IL4R: variants seen among roughly 807,000 people sequenced by gnomAD.
IL4R encodes interleukin-4 receptor subunit alpha.
IL4R carries 17 observed loss-of-function variants against 41.5 expected under a neutral mutation model. That is an observed-to-expected ratio of 0.41 (90% CI 0.28 to 0.61). IL4R has a LOEUF of 0.61. Among genes scored for constraint, IL4R ranks in the 20% least tolerant of loss-of-function variants. IL4R has a pLI of 0.31. For missense variants in IL4R, 974 were observed against 1,043.1 expected (o/e 0.93, Z 0.91); for synonymous variants, 402 against 422.9 (o/e 0.95, Z 0.61).
At chr16:27,357,403 C>T (rs962572898) in intron 8 of IL4R, among the ~76,000 whole-genome samples, 3 of 152,312 alleles carry the variant, frequency 2.0e-5, no homozygotes, top group East Asian at 1.9e-4. Context: ...TTTCAACTTC[C>T]AGAGCAGCTG....
rs373908970 is a variant in IL4R, at chr16:27,332,401, G to A, written c.-19+2203G>A. ...CTCAGGAGAACTCACTCACTGTCAC[G>A]AAAACAGCATGGGGGAACTGCTCCC... On this transcript the variant is annotated intron_variant, in intron 2 of 10. Transcript: ENST00000395762. Among the ~76,000 whole-genome samples the A allele has an allele frequency of 3.9e-4, 60 of 152,130 alleles. 1 individual carries two copies. In the South Asian group the frequency reaches 9.7e-3, roughly 25 times the overall value.
At chr16:27,360,993 A>C (rs1372635957) in intron 10 of IL4R, 178 bp downstream of exon 10, 14 of 1,478,124 alleles carry the variant, frequency 9.5e-6, no homozygotes, top group Non-Finnish European at 1.3e-5. Flanking sequence ...CTGCTGGCCA[A>C]GCCCCCTGAG....
chr16:27,347,499 T>G (rs1047934408), intron 6 of IL4R, among the ~76,000 whole-genome samples: 1 of 152,166 alleles, frequency 6.6e-6, no homozygotes, highest in African/African-American at 2.4e-5. Flanking sequence ...CCAGTGGAGT[T>G]CCTTCTTAAG....
At chr16:27,355,944 T>C in intron 8 of IL4R, 37 bp downstream of exon 8, 1 of 1,456,088 alleles carries the variant, frequency 6.9e-7, no homozygotes. Flanking sequence ...GCAGTCCCTC[T>C]GGAGTGCAGG....
At chr16:27,339,984 G>A (rs2085386959) in intron 2 of IL4R, among the ~76,000 whole-genome samples, 1 of 152,172 alleles carries the variant, frequency 6.6e-6, no homozygotes, top group Non-Finnish European at 1.5e-5. Context: ...TTGAACCCGG[G>A]AGGTGGAGGT....
chr16:27,334,176 C>T (rs2085190929), intron 2 of IL4R: 1 of 152,230 alleles, frequency 6.6e-6, no homozygotes, highest in Non-Finnish European at 1.5e-5. Context: ...GCCACCGCGC[C>T]CAGCCAGGAG....
At chr16:27,313,780 TCCG>T (rs1273574403), upstream of IL4R, 1 of 380,992 alleles carries the variant, frequency 2.6e-6, no homozygotes, top group African/African-American at 2.2e-5. Flanking sequence ...GCTCGGACTG[TCCG>T]GCGGCGGCGG....
chr16:27,361,083 G>C, intron 10 of IL4R: 2 of 1,350,252 alleles, frequency 1.5e-6, no homozygotes, highest in Non-Finnish European at 1.9e-6. Context: ...CGTGCCTGTT[G>C]TTAAAATCTT....
intron 2 of IL4R, among the ~76,000 whole-genome samples, chr16:27,330,734 C>T (rs536710303): frequency 6.6e-6 from 1 of 152,054 alleles, no homozygotes; most frequent in East Asian, 1.9e-4. Context: ...CCCCTGGCAC[C>T]CACTGATGTG....
rs866222592 is a variant in IL4R at position 27,337,618 on chromosome 16, C to T, written c.-18-2568C>T. On this transcript the variant is annotated intron_variant, in intron 2 of 10. Transcript: ENST00000395762. Reference sequence around the variant, plus strand: ...TTTTTGCAACAGGGTCTCACTGTGTCGCCCAGCCTAGAGTGCAGTGGTGCC... The same window carrying T: ...TTTTTGCAACAGGGTCTCACTGTGTTGCCCAGCCTAGAGTGCAGTGGTGCC... 6.7e-5 allele frequency among the ~76,000 whole-genome samples: 10 copies of T among 149,302 alleles called. No individual in the cohort carries two copies. In the South Asian group the frequency reaches 8.4e-4, roughly 13 times the overall value.
At chr16:27,342,521 G>C (rs906933757) in intron 4 of IL4R, among the ~76,000 whole-genome samples, 1 of 152,118 alleles carries the variant, frequency 6.6e-6, no homozygotes, top group Non-Finnish European at 1.5e-5. Flanking sequence ...ACACTTTTTG[G>C]TCTCAGGACC....
chr16:27,355,104 C>T (rs2086013964), intron 7 of IL4R: 1 of 427,842 alleles, frequency 2.3e-6, no homozygotes, highest in Non-Finnish European at 5.1e-6. Flanking sequence ...ATAGAAATCC[C>T]CACTCTTGTG....
chr16:27,322,157 A>G (rs911819149), intron 1 of IL4R, among the ~76,000 whole-genome samples: 2 of 150,756 alleles, frequency 1.3e-5, no homozygotes, highest in African/African-American at 2.4e-5. Flanking sequence ...ACAATTCACC[A>G]TAATAGAGGC....
Position 27,363,347 on chromosome 16 carries a change from G to C in IL4R, c.1995G>C (p.Pro665=). Residue 665 remains proline, a synonymous_variant, in exon 11 of 11, where the codon CCG becomes CCC. Coordinates refer to ENST00000395762, the MANE Select transcript of IL4R (RefSeq NM_000418.4). ...FGLDREPPRS[P]QSSHLPSSSP... is the part of the protein sequence containing the mutation. ...TGGACAGGGAGCCACCTCGCAGTCC[G>C]CAGAGCTCACATCTCCCAAGCAGCT... is the stretch of plus-strand genomic sequence containing the variant. 1 of 1,613,974 alleles carries C rather than the reference G, an allele frequency of 6.2e-7. No homozygotes were observed. Among genetic ancestry groups the C allele is most frequent in the South Asian group, 1.1e-5 (1 of 91,040 alleles).
chr16:27,362,235 A>G lies in IL4R; in HGVS notation c.900-17A>G, dbSNP rs370101686. 1 of 1,610,618 alleles carries G rather than the reference A, an allele frequency of 6.2e-7. No individual in the cohort carries two copies. The highest frequency in any genetic ancestry group is 1.3e-5 in the African/African-American group (1 of 74,860). On this transcript the variant is annotated splice_polypyrimidine_tract_variant and intron_variant, in intron 10 of 10. Transcript: ENST00000395762. ...CAAGTGTCGAAACTGAACCCTGACC[A>G]ACCTTTGCTTTTGCAGACACTGGAA...
intron 1 of IL4R, among the ~76,000 whole-genome samples, chr16:27,317,038 G>GTA (rs1279755726): frequency 9.2e-5 from 14 of 152,016 alleles, no homozygotes; most frequent in Non-Finnish European, 1.5e-4. Context: ...TGAGTAGCTG[G>GTA]GACTACAGGT....
At chr16:27,340,798 G>T (rs888791453) in intron 3 of IL4R, among the ~76,000 whole-genome samples, 3 of 152,198 alleles carry the variant, frequency 2.0e-5, no homozygotes, top group Non-Finnish European at 4.4e-5. Flanking sequence ...GAGTGGGGGG[G>T]ATTGCAGTTG....
intron 9 of IL4R, chr16:27,359,933 A>AGGCTG (rs1200924179): frequency 9.6e-6 from 2 of 208,782 alleles, no homozygotes; most frequent in East Asian, 1.3e-4. Context: ...GTGGCGGGGG[A>AGGCTG]GGCTGGGCTG....
Position 27,345,658 on chromosome 16 carries a change from G to GA in IL4R, c.361+640dup, listed in dbSNP as rs1165890281. ...AGTACAGAGATGTGGCCAAAGGTGT[G>GA]AAGGATGCAGCTGTAAAAGCTGAAG... On this transcript the variant is annotated intron_variant, in intron 5 of 10. Transcript: ENST00000395762. This position sits in a 1 kb window ranked among gnomAD's most constrained non-coding sequence, Gnocchi z 4.5. The GA allele has an allele frequency of 4.4e-5, 7 of 160,530 alleles. No homozygotes were observed. The highest frequency in any genetic ancestry group is 8.2e-5 in the Non-Finnish European group (6 of 72,764). The allele number at this position is 160,530 out of a possible 1,614,324, so 9.9% of individuals were successfully genotyped here.
Sources: allele counts gnomAD v4.1 joint callset (sites outside exome capture counted in the v4.1 genomes callset), GRCh38; gene constraint gnomAD v4.1.1; non-coding constraint Gnocchi (gnomAD v3.1); transcripts MANE v1.5; gene names NCBI Gene and HGNC (gene_info 2026-07-23, HGNC 2026-07-21).